The following SHISAL2A variants were observed in gnomAD, a reference collection of about 807,000 sequenced individuals.
The protein encoded by SHISAL2A is protein shisa-like-2A.
SHISAL2A carries 18 observed loss-of-function variants against 11.5 expected under a neutral mutation model. The ratio of observed to expected loss-of-function variants is 1.57; its 90% CI spans 1.08 to 2.33. The LOEUF (loss-of-function observed/expected upper bound fraction) is 2.33, where lower values mean the gene tolerates loss of function less well. Among genes scored for constraint, SHISAL2A ranks in the 30% most tolerant of loss-of-function variants. The probability of loss-of-function intolerance (pLI) is 0.00; values close to 1 mark genes in which losing one functional copy is unlikely to be tolerated. For missense variants in SHISAL2A, 261 were observed against 250.9 expected (o/e 1.04, Z -0.27); for synonymous variants, 94 against 99.6 (o/e 0.94, Z 0.34).
chr1:52,639,951 G>A (rs1691324383), intron 1 of SHISAL2A: 2 of 151,946 alleles, frequency 1.3e-5, no homozygotes, highest in Admixed American at 6.6e-5. Flanking sequence ...CACCATGACA[G>A]GCTAATTTTT....
chr1:52,652,171 C>T (rs1379307439), intron 2 of SHISAL2A, among the ~76,000 whole-genome samples: 1 of 152,162 alleles, frequency 6.6e-6, no homozygotes, highest in Non-Finnish European at 1.5e-5. Flanking sequence ...GATAGTTGGC[C>T]TTGAACAGAG....
chr1:52,649,517 C>T (rs1401412802), intron 2 of SHISAL2A, among the ~76,000 whole-genome samples: 1 of 152,146 alleles, frequency 6.6e-6, no homozygotes, highest in Non-Finnish European at 1.5e-5. Flanking sequence ...GGCTTCTTTC[C>T]CTGCCCAGGC....
At chr1:52,649,657 G>A (rs1691582474) in intron 2 of SHISAL2A, among the ~76,000 whole-genome samples, 1 of 152,188 alleles carries the variant, frequency 6.6e-6, no homozygotes, top group Non-Finnish European at 1.5e-5. Context: ...AGTTCCTACT[G>A]TTGAGCTGGG....
At chr1:52,650,791 C>G (rs926049144) in intron 2 of SHISAL2A, among the ~76,000 whole-genome samples, 7 of 151,504 alleles carry the variant, frequency 4.6e-5, no homozygotes, top group Non-Finnish European at 8.8e-5. Flanking sequence ...GCTACAGGCA[C>G]CTGCCACCAC....
chr1:52,649,595 A>C (rs1244149999), intron 2 of SHISAL2A, among the ~76,000 whole-genome samples: 1 of 152,218 alleles, frequency 6.6e-6, no homozygotes, highest in Non-Finnish European at 1.5e-5. Flanking sequence ...AATGAAGACC[A>C]TAACTTTCTT....
At chr1:52,655,868 C>T (rs1691780667) in intron 2 of SHISAL2A, among the ~76,000 whole-genome samples, 1 of 152,092 alleles carries the variant, frequency 6.6e-6, no homozygotes, top group Admixed American at 6.6e-5. Context: ...GGAGGGGCCC[C>T]CACTGGAGGC....
chr1:52,656,689 C>A (rs2149891353), intron 2 of SHISAL2A, 101 bp from the exon 3 acceptor site: 1 of 1,297,820 alleles, frequency 7.7e-7, no homozygotes, highest in Non-Finnish European at 1.1e-6. Context: ...AGGCTCTGAC[C>A]ACAGTGCACT....
chr1:52,643,195 G>T (rs1380706124), intron 2 of SHISAL2A, among the ~76,000 whole-genome samples, 193 bp downstream of exon 2: 1 of 152,158 alleles, frequency 6.6e-6, no homozygotes, highest in Non-Finnish European at 1.5e-5. Flanking sequence ...TACATTGTTT[G>T]TCAAAATAAT....
rs755875754 is a variant in SHISAL2A at position 52,656,959 on chromosome 1, C to T, written c.492C>T (p.Ala164=). The part of the protein sequence containing the change: ...SKRLLHHCFM[A]TVTTSDIPGS... ...GCCTCCTCCATCATTGCTTCATGGCCACAGTGACCACCAGTGACATTCCAG... is the reference window on the plus strand; with the variant it reads ...GCCTCCTCCATCATTGCTTCATGGCTACAGTGACCACCAGTGACATTCCAG... The change falls in exon 3 of 3, where the codon GCC becomes GCT. Residue 164 remains alanine, a synonymous_variant. Coordinates refer to ENST00000517870, the MANE Select transcript of SHISAL2A (RefSeq NM_001042693.3). 6.2e-7 allele frequency: 1 copy of T among 1,614,202 alleles called. No individual in the cohort carries two copies. Among genetic ancestry groups the T allele is most frequent in the Non-Finnish European group, 8.5e-7 (1 of 1,180,028 alleles).
Position 52,657,009 on chromosome 1 carries a change from C to A in SHISAL2A, c.542C>A (p.Pro181His). The A allele has an allele frequency of 5.6e-6, 9 of 1,612,474 alleles. No homozygotes were observed. Among genetic ancestry groups the A allele is most frequent in the Non-Finnish European group, 7.6e-6 (9 of 1,179,004 alleles). ...GGCAGCCCTGAGGAAGCCTCTGTACCCAACCCTGACCTATGTGGACCAGTC... is the reference window on the plus strand; with the variant it reads ...GGCAGCCCTGAGGAAGCCTCTGTACACAACCCTGACCTATGTGGACCAGTC... ...IPGSPEEASV[P>H]NPDLCGPVP Residue 181 changes from proline (P) to histidine (H), a missense_variant, in exon 3 of 3, where the codon CCC becomes CAC. Pro to His is a moderately conservative substitution (Grantham distance 77, BLOSUM62 -2). Coordinates refer to ENST00000517870, the MANE Select transcript of SHISAL2A (RefSeq NM_001042693.3).
rs1046326796 is a variant in SHISAL2A at position 52,633,396 on chromosome 1, C to T, written c.-98C>T. Reference sequence around the variant, plus strand: ...TGGGTCTCTTCGTCTCTGCCGTTCTCAGGCTCAGCTCCGTCTCGCTCGGTC... The same window carrying T: ...TGGGTCTCTTCGTCTCTGCCGTTCTTAGGCTCAGCTCCGTCTCGCTCGGTC... On this transcript the variant is annotated 5_prime_UTR_variant, in exon 1 of 3. Transcript: ENST00000517870. The surrounding 1 kb of genome is among the most constrained non-coding windows in gnomAD (Gnocchi z 6.4). The T allele has an allele frequency of 5.4e-6, 6 of 1,119,368 alleles. No homozygotes were observed. The highest frequency in any genetic ancestry group is 1.8e-5 in the South Asian group (1 of 56,320). The allele number at this position is 1,119,368 out of a possible 1,614,324, so 69.3% of individuals were successfully genotyped here.
At chr1:52,646,694 T>C (rs937903252) in intron 2 of SHISAL2A, among the ~76,000 whole-genome samples, 2 of 152,234 alleles carry the variant, frequency 1.3e-5, no homozygotes, top group African/African-American at 4.8e-5. Flanking sequence ...CTAGGTGATA[T>C]TGAATAAGGT....
chr1:52,641,835 G>C (rs1315269892), intron 1 of SHISAL2A, among the ~76,000 whole-genome samples: 4 of 152,074 alleles, frequency 2.6e-5, no homozygotes, highest in Non-Finnish European at 4.4e-5. Context: ...CAGCATGGTG[G>C]CTCATGCCTG....
chr1:52,645,017 C>CA (rs752980005), intron 2 of SHISAL2A, among the ~76,000 whole-genome samples: 1,959 of 69,164 alleles, frequency 0.028, 43 homozygotes, highest in African/African-American at 0.074. Context: ...ACTCTGTCTC[C>CA]AAAAAAAAAA....
intron 2 of SHISAL2A, among the ~76,000 whole-genome samples, chr1:52,646,100 T>C (rs1015306231): frequency 5.3e-5 from 8 of 152,180 alleles, no homozygotes; most frequent in Admixed American, 4.6e-4. Context: ...CCTAGGACAA[T>C]TGGCAATGTA....
At chr1:52,669,167 G>T (rs1307895403) in exon 6 of SHISAL2A, 4 of 145,752 alleles carry the variant, frequency 2.7e-5, no homozygotes, top group African/African-American at 1.0e-4. Flanking sequence ...TTTTGAGATG[G>T]GGCTTCTCTT....
rs1480975012 is a variant in SHISAL2A at position 52,633,493 on chromosome 1, G to C, written c.-1G>C. The C allele has an allele frequency of 6.7e-7, 1 of 1,500,284 alleles. No individual in the cohort carries two copies. The highest frequency in any genetic ancestry group is 8.8e-7 in the Non-Finnish European group (1 of 1,131,454). 92.9% of individuals were successfully genotyped at this position (1,500,284 alleles called of 1,614,324 possible). A position where few individuals can be genotyped will look rare whatever the true frequency, so the allele number is the denominator to read the frequency against. ...TGGCGGCGGGCTGGGCGCGGGGCGC[G>C]ATGAGCGGCGCCTGCACGAGCTACG... On this transcript the variant is annotated 5_prime_UTR_variant, in exon 1 of 3. Coordinates refer to ENST00000517870, the MANE Select transcript of SHISAL2A (RefSeq NM_001042693.3). This position sits in a 1 kb window ranked among gnomAD's most constrained non-coding sequence, Gnocchi z 6.4.
chr1:52,656,614 G>A (rs1444330132), intron 2 of SHISAL2A, among the ~76,000 whole-genome samples, 176 bp from the exon 3 acceptor site: 1 of 152,186 alleles, frequency 6.6e-6, no homozygotes, highest in African/African-American at 2.4e-5. Flanking sequence ...GAGCAACACT[G>A]ACAGCTCTCA....
At chr1:52,666,669 A>G (rs532277923) in intron 4 of SHISAL2A, among the ~76,000 whole-genome samples, 3 of 152,108 alleles carry the variant, frequency 2.0e-5, no homozygotes, top group East Asian at 3.9e-4. Context: ...TTTACGCTGT[A>G]CCAGTCAAGA....
Sources: allele counts gnomAD v4.1 joint callset (sites outside exome capture counted in the v4.1 genomes callset), GRCh38; gene constraint gnomAD v4.1.1; non-coding constraint Gnocchi (gnomAD v3.1); transcripts MANE v1.5; gene names NCBI Gene and HGNC (gene_info 2026-07-23, HGNC 2026-07-21).